The following GPI variants were observed in gnomAD, a reference collection of about 807,000 sequenced individuals.
GPI encodes the protein glucose-6-phosphate isomerase, also known as D-hexose-6-phosphate anomerase.
A neutral mutation model predicts 75.8 loss-of-function variants in GPI; 56 were observed. The observed-to-expected ratio is 0.74, with a 90% CI of 0.60 to 0.92. The LOEUF is 0.92. Ranked by LOEUF, GPI falls within the 40% of genes least tolerant of loss-of-function variation. The pLI is 0.00. For missense variants in GPI, 638 were observed against 741.0 expected (o/e 0.86, Z 1.61); for synonymous variants, 288 against 285.4 (o/e 1.01, Z -0.09).
At chr19:34,379,453 G>A (rs1411177504) in intron 7 of GPI, 65 bp from the exon 8 acceptor site, 1 of 1,386,076 alleles carries the variant, frequency 7.2e-7, no homozygotes, top group East Asian at 2.3e-5. Flanking sequence ...TTCCTCTAGT[G>A]ATGGGAAGTG....
intron 17 of GPI, 26 bp downstream of exon 17, chr19:34,399,811 C>T (rs771403151): frequency 9.3e-6 from 15 of 1,613,168 alleles, no homozygotes; most frequent in African/African-American, 8.0e-5. Context: ...AGGGGAGGGC[C>T]GGGAATACCT....
Position 34,366,865 on chromosome 19 carries a change from A to C in GPI, c.282+14A>C. ...AACTACACCGAGGTGAGCAGGCCCCACATACCCTCTGGGGCCTCCTTCCTT... is the reference window on the plus strand; with the variant it reads ...AACTACACCGAGGTGAGCAGGCCCCCCATACCCTCTGGGGCCTCCTTCCTT... On this transcript the variant is annotated intron_variant, in intron 3 of 17. Coordinates refer to ENST00000356487, the MANE Select transcript of GPI (RefSeq NM_000175.5). 1 of 1,592,724 alleles carries C rather than the reference A, an allele frequency of 6.3e-7. No homozygotes were observed. The highest frequency in any genetic ancestry group is 1.1e-5 in the South Asian group (1 of 90,676).
chr19:34,383,900 CAT>C (rs762830184), intron 9 of GPI, among the ~76,000 whole-genome samples: 28 of 152,174 alleles, frequency 1.8e-4, no homozygotes, highest in Non-Finnish European at 3.7e-4. Flanking sequence ...AGGGATCTGT[CAT>C]GTGTGAGGAA....
intron 7 of GPI, among the ~76,000 whole-genome samples, chr19:34,379,249 C>T (rs1210553647): frequency 6.6e-6 from 1 of 152,236 alleles, no homozygotes; most frequent in Non-Finnish European, 1.5e-5. Context: ...CTCTGCAGGC[C>T]CTTGGCGCTG....
At chr19:34,367,007 G>A in intron 3 of GPI, 156 bp downstream of exon 3, 1 of 713,192 alleles carries the variant, frequency 1.4e-6, no homozygotes, top group Non-Finnish European at 2.5e-6. Flanking sequence ...CTTGTAGCAG[G>A]GCTTTGGGGT....
Position 34,393,720 on chromosome 19 carries a change from T to C in GPI, c.866-8T>C, listed in dbSNP as rs771067702. The C allele has an allele frequency of 1.9e-6, 3 of 1,613,636 alleles. No individual in the cohort carries two copies. Among genetic ancestry groups the C allele is most frequent in the Non-Finnish European group, 2.5e-6 (3 of 1,179,932 alleles). ...GCCACTTCTGTTGACTCTGCTTTTG[T>C]GTCACAGGTTTTGACAACTTCGAGC... On this transcript the variant is annotated splice_region_variant and splice_polypyrimidine_tract_variant and intron_variant, in intron 10 of 17. Transcript: ENST00000356487. The surrounding 1 kb of genome is among the most constrained non-coding windows in gnomAD (Gnocchi z 4.4).
chr19:34,385,357 A>C (rs1207610000), intron 9 of GPI, among the ~76,000 whole-genome samples: 1 of 146,116 alleles, frequency 6.8e-6, no homozygotes, highest in Admixed American at 6.9e-5. Flanking sequence ...CTCAAACAAA[A>C]AACAAAAAAA....
chr19:34,367,955 C>G (rs1365056972), intron 3 of GPI, among the ~76,000 whole-genome samples: 1 of 152,228 alleles, frequency 6.6e-6, no homozygotes, highest in Admixed American at 6.5e-5. Context: ...GAGTCTTGCT[C>G]TGTCGCCCAG....
intron 14 of GPI, chr19:34,397,409 C>T (rs1185148321): frequency 6.6e-6 from 1 of 152,426 alleles, no homozygotes; most frequent in Non-Finnish European, 1.5e-5. Flanking sequence ...TTAAATCCTT[C>T]TCTGAAGCTT....
intron 3 of GPI, 31 bp from the exon 4 acceptor site, chr19:34,368,552 G>GA (rs766597830): frequency 2.0e-5 from 32 of 1,612,610 alleles, no homozygotes; most frequent in Non-Finnish European, 2.5e-5. Flanking sequence ...GTTGGGGGGG[G>GA]CAGTCTTTAT....
chr19:34,399,533 A>C, intron 15 of GPI, 23 bp from the exon 16 acceptor site: 1 of 1,611,732 alleles, frequency 6.2e-7, no homozygotes, highest in South Asian at 1.1e-5. Context: ...TCTCTTGGAG[A>C]CATTCCTTGG....
chr19:34,399,658 C>T, intron 16 of GPI, 27 bp downstream of exon 16: 1 of 1,613,684 alleles, frequency 6.2e-7, no homozygotes, highest in East Asian at 2.2e-5. Flanking sequence ...AAGGTCCTGG[C>T]TTGGGGTAGG....
chr19:34,379,791 C>A, intron 8 of GPI: 1 of 638,764 alleles, frequency 1.6e-6, no homozygotes, highest in Non-Finnish European at 2.8e-6. Context: ...ATCACGATAA[C>A]CCCTTCTTCC....
In GPI at chr19:34,396,570, G is replaced by A. The variant is rs1200837848; in HGVS notation, c.1193-11G>A. ...CTGGGGTCATGTGGGTGACCACAGT[G>A]CCCTTCACAGGCACCAAGATGATAC... On this transcript the variant is annotated splice_polypyrimidine_tract_variant and intron_variant, in intron 13 of 17. Transcript: ENST00000356487. 51 of 1,613,832 alleles carry A rather than the reference G, an allele frequency of 3.2e-5. No individual in the cohort carries two copies. The highest frequency in any genetic ancestry group is 4.0e-5 in the Non-Finnish European group (47 of 1,179,804).
chr19:34,377,591 G>A lies in GPI; in HGVS notation c.486+5G>A, dbSNP rs2074567489. On this transcript the variant is annotated splice_donor_5th_base_variant and intron_variant, in intron 5 of 17. Transcript: ENST00000356487. Reference sequence around the variant, plus strand: ...GGCATTGGCGGCTCCGACCTGGTGAGGAGAAAACTGCCTTGGGGTAGGGTG... The same window carrying A: ...GGCATTGGCGGCTCCGACCTGGTGAAGAGAAAACTGCCTTGGGGTAGGGTG... 1 of 1,610,252 alleles carries A rather than the reference G, an allele frequency of 6.2e-7. No homozygotes were observed. Among genetic ancestry groups the A allele is most frequent in the Non-Finnish European group, 8.5e-7 (1 of 1,176,836 alleles).
intron 6 of GPI, among the ~76,000 whole-genome samples, chr19:34,378,246 T>C (rs1163059042): frequency 6.6e-6 from 1 of 152,120 alleles, no homozygotes; most frequent in Non-Finnish European, 1.5e-5. Flanking sequence ...CAGGCTGGAG[T>C]GTAGTGGCGT....
intron 4 of GPI, among the ~76,000 whole-genome samples, chr19:34,371,109 C>T (rs948913789): frequency 6.6e-6 from 1 of 152,234 alleles, no homozygotes; most frequent in Non-Finnish European, 1.5e-5. Flanking sequence ...TGCCACATGG[C>T]GAGGATGGCA....
rs61748901 is a variant in GPI at position 34,377,589 on chromosome 19, G to A, written c.486+3G>A. On this transcript the variant is annotated splice_donor_region_variant and intron_variant, in intron 5 of 17. Coordinates refer to ENST00000356487, the MANE Select transcript of GPI (RefSeq NM_000175.5). ...TTGGCATTGGCGGCTCCGACCTGGT[G>A]AGGAGAAAACTGCCTTGGGGTAGGG... 1 of 1,611,678 alleles carries A rather than the reference G, an allele frequency of 6.2e-7. No individual in the cohort carries two copies.
At chr19:34,378,844 C>T (rs2074594152) in intron 6 of GPI, 90 bp from the exon 7 acceptor site, 1 of 877,244 alleles carries the variant, frequency 1.1e-6, no homozygotes, top group Non-Finnish European at 2.0e-6. Context: ...GACAGCTGGG[C>T]ATTGCCTTGG....
Sources: gnomAD v4.1 joint callset for allele counts (sites outside exome capture counted in the v4.1 genomes callset) on GRCh38, gnomAD v4.1.1 for gene constraint, Gnocchi (gnomAD v3.1) non-coding constraint, MANE v1.5 for transcripts, NCBI Gene and HGNC (gene_info 2026-07-23, HGNC 2026-07-21) for gene names.